Variants in SGCZ observed in about 807,000 individuals in gnomAD.
SGCZ encodes the protein sarcoglycan zeta.
A neutral mutation model predicts 41.3 loss-of-function variants in SGCZ; 40 were observed. That is an observed-to-expected ratio of 0.97 (90% CI 0.75 to 1.26). The LOEUF (loss-of-function observed/expected upper bound fraction) is 1.26, where lower values mean the gene tolerates loss of function less well. Ranked by LOEUF, SGCZ falls within the 50% of genes most tolerant of loss-of-function variation. The pLI is 0.00. For missense variants in SGCZ, 552 were observed against 369.8 expected (o/e 1.49, Z -4.04); for synonymous variants, 206 against 137.5 (o/e 1.50, Z -3.49).
chr8:14,992,257 C>T (rs780021231), intron 1 of SGCZ, among the ~76,000 whole-genome samples: 33 of 150,590 alleles, frequency 2.2e-4, no homozygotes, highest in Non-Finnish European at 7.4e-5. Context: ...GTTACCCTTG[C>T]TATTTACCTC....
At chr8:14,528,201 C>G (rs796333530) in intron 2 of SGCZ, among the ~76,000 whole-genome samples, 1 of 151,928 alleles carries the variant, frequency 6.6e-6, no homozygotes, top group Non-Finnish European at 1.5e-5. Context: ...TACTACATAC[C>G]GAAGAATCCA....
At chr8:14,621,515 A>G (rs938441104) in intron 1 of SGCZ, among the ~76,000 whole-genome samples, 2 of 152,106 alleles carry the variant, frequency 1.3e-5, no homozygotes, top group Non-Finnish European at 2.9e-5. Context: ...TACAAACTCA[A>G]AACAAAAAAA....
chr8:14,458,414 G>A (rs138745594), intron 2 of SGCZ, among the ~76,000 whole-genome samples: 42 of 152,264 alleles, frequency 2.8e-4, no homozygotes, highest in East Asian at 2.1e-3. Flanking sequence ...AGGGTTATGC[G>A]TAGGTGATGC....
At chr8:14,710,982 T>C (rs1415485830) in intron 1 of SGCZ, among the ~76,000 whole-genome samples, 1 of 152,170 alleles carries the variant, frequency 6.6e-6, no homozygotes, top group Non-Finnish European at 1.5e-5. Context: ...GACAAAGATA[T>C]CTTCACTAGC....
At position 15,079,353 on chromosome 8, in the gene SGCZ, C is replaced by T. The variant is rs73522891; in HGVS notation, c.39+158232G>A. On this transcript the variant is annotated intron_variant, in intron 1 of 7. Coordinates refer to ENST00000382080, the MANE Select transcript of SGCZ (RefSeq NM_139167.4). ...TATATCTGACAGTCATTTTGGTTGC[C>T]TTGGCCTAAACTTCAGTCCTATATT... 4.2e-3 allele frequency among the ~76,000 whole-genome samples: 637 copies of T among 152,266 alleles called. 5 individuals are homozygous for T. Among genetic ancestry groups the T allele is most frequent in the African/African-American group, 0.014 (580 of 41,540 alleles).
At position 14,638,187 on chromosome 8, in the gene SGCZ, A is replaced by T. The variant is rs374097252; in HGVS notation, c.40-83261T>A. ...CTGAGACATAGCCAAAGATTCTTAC[A>T]TTCTGTTCCCAACTTTTTTCAGTTT... On this transcript the variant is annotated intron_variant, in intron 1 of 7. Transcript: ENST00000382080. Among the ~76,000 whole-genome samples, 9 of 151,968 alleles carry T rather than the reference A, an allele frequency of 5.9e-5. No individual in the cohort carries two copies. In the South Asian group the frequency reaches 1.0e-3, roughly 17 times the overall value.
chr8:14,382,432 A>T (rs1205287184), intron 2 of SGCZ, among the ~76,000 whole-genome samples: 2 of 151,974 alleles, frequency 1.3e-5, no homozygotes, highest in African/African-American at 4.8e-5. Context: ...AAAAAACACA[A>T]TACCATATCA....
rs184667811 is a variant in SGCZ, at chr8:14,822,238, G to A, written c.40-267312C>T. Among the ~76,000 whole-genome samples the A allele has an allele frequency of 9.9e-5, 15 of 152,102 alleles. 1 individual carries two copies. The South Asian group carries it at 2.7e-3, about 27-fold the overall frequency. On this transcript the variant is annotated intron_variant, in intron 1 of 7. Transcript: ENST00000382080. Reference sequence around the variant, plus strand: ...AAATCAACAAAACAATTTCATTTCTGATAGCTACAAAAAAAATGATAGCTA... The same window carrying A: ...AAATCAACAAAACAATTTCATTTCTAATAGCTACAAAAAAAATGATAGCTA...
intron 3 of SGCZ, among the ~76,000 whole-genome samples, chr8:14,296,700 A>C (rs1433073743): frequency 6.6e-6 from 1 of 152,184 alleles, no homozygotes; most frequent in Non-Finnish European, 1.5e-5. Context: ...GAGAAATCAA[A>C]TAAATATAGC....
intron 1 of SGCZ, among the ~76,000 whole-genome samples, chr8:15,045,922 T>C (rs1008228854): frequency 1.3e-5 from 2 of 152,116 alleles, no homozygotes; most frequent in Non-Finnish European, 2.9e-5. Context: ...AATATCCAGA[T>C]ACTGGGTAAT....
At chr8:14,513,863 T>G (rs969212273) in intron 2 of SGCZ, among the ~76,000 whole-genome samples, 1 of 151,944 alleles carries the variant, frequency 6.6e-6, no homozygotes, top group Non-Finnish European at 1.5e-5. Context: ...TTGTAACTAC[T>G]CTCTGTGCAT....
At chr8:14,840,852 T>C (rs1350989591) in intron 1 of SGCZ, among the ~76,000 whole-genome samples, 3 of 152,128 alleles carry the variant, frequency 2.0e-5, no homozygotes. Context: ...TTCATTGATG[T>C]ATAACTTTTG....
chr8:14,142,400 G>T (rs1803399532), intron 5 of SGCZ, among the ~76,000 whole-genome samples: 3 of 152,134 alleles, frequency 2.0e-5, no homozygotes, highest in South Asian at 4.1e-4. Context: ...AACAGGAGGG[G>T]AGCTGGGCTG....
At chr8:14,717,099 T>C (rs1360278962) in intron 1 of SGCZ, among the ~76,000 whole-genome samples, 2 of 152,086 alleles carry the variant, frequency 1.3e-5, no homozygotes, top group Non-Finnish European at 2.9e-5. Flanking sequence ...AAGTTGCCAT[T>C]GAAATTCAAT....
At chr8:14,198,171 A>T (rs1210491817) in intron 4 of SGCZ, among the ~76,000 whole-genome samples, 1 of 152,228 alleles carries the variant, frequency 6.6e-6, no homozygotes, top group Non-Finnish European at 1.5e-5. Flanking sequence ...ATGCCATCTC[A>T]TTCTGTCCCA....
At chr8:14,444,362 C>T (rs1486287915) in intron 2 of SGCZ, among the ~76,000 whole-genome samples, 13 of 151,998 alleles carry the variant, frequency 8.6e-5, no homozygotes, top group African/African-American at 2.7e-4. Context: ...CACATGCACA[C>T]GTATGTTTAT....
Position 14,108,228 on chromosome 8 carries a change from T to C in SGCZ, c.555A>G (p.Glu185=), listed in dbSNP as rs1226238410. 5.6e-6 allele frequency: 9 copies of C among 1,614,102 alleles called. No individual in the cohort carries two copies. The South Asian group carries it at 9.9e-5, about 18-fold the overall frequency. The change falls in exon 6 of 8, where the codon GAA becomes GAG. Residue 185 remains glutamate (E), a synonymous_variant. Transcript: ENST00000382080. ...GAEKLKVTGT[E]GAVFGHSVET... ...CCACAGAGTGCCCAAATACGGCTCC[T>C]TCAGTGCCTGGGGGTAGCATGAATA...
chr8:14,837,599 T>C (rs1222088851), intron 1 of SGCZ, among the ~76,000 whole-genome samples: 1 of 152,164 alleles, frequency 6.6e-6, no homozygotes, highest in African/African-American at 2.4e-5. Context: ...GTGAAGAAAG[T>C]GGTAGGCCTA....
chr8:14,294,333 T>G (rs532829265), intron 3 of SGCZ, among the ~76,000 whole-genome samples: 1 of 151,904 alleles, frequency 6.6e-6, no homozygotes. Flanking sequence ...CTATGTAATC[T>G]AAAAGTCACA....
Sources: gnomAD v4.1 joint callset for allele counts (sites outside exome capture counted in the v4.1 genomes callset) on GRCh38, gnomAD v4.1.1 for gene constraint, MANE v1.5 for transcripts, NCBI Gene and HGNC (gene_info 2026-07-23, HGNC 2026-07-21) for gene names.